CRPPA: variants seen among roughly 807,000 people sequenced by gnomAD.
CRPPA encodes CDP-L-ribitol pyrophosphorylase A.
Under a neutral mutation model 52.0 loss-of-function variants are expected in CRPPA, and 43 were observed. The observed-to-expected ratio is 0.83, with a 90% CI of 0.65 to 1.07. CRPPA has a LOEUF of 1.07. Among genes scored for constraint, CRPPA ranks in the 50% least tolerant of loss-of-function variants. CRPPA has a pLI of 0.00. For missense variants in CRPPA, 629 were observed against 551.7 expected, an observed-to-expected ratio of 1.14 and a Z score of -1.40; for synonymous variants, 250 against 203.5, an observed-to-expected ratio of 1.23 and a Z score of -1.94.
At chr7:16,113,412 T>G (rs1486734029) in intron 9 of CRPPA, among the ~76,000 whole-genome samples, 1 of 151,806 alleles carries the variant, frequency 6.6e-6, no homozygotes, top group East Asian at 1.9e-4. Flanking sequence ...AAAATAATAA[T>G]TTATGGTTGT....
At chr7:16,107,549 TAAG>T (rs1378592407) in intron 9 of CRPPA, among the ~76,000 whole-genome samples, 2 of 151,798 alleles carry the variant, frequency 1.3e-5, no homozygotes, top group African/African-American at 4.8e-5. Context: ...GAAGGAGAAA[TAAG>T]AAGTTTCTCA....
chr7:16,154,806 G>C (rs535480919), intron 9 of CRPPA, among the ~76,000 whole-genome samples: 49 of 149,992 alleles, frequency 3.3e-4, no homozygotes, highest in African/African-American at 1.1e-3. Flanking sequence ...ATTCAAGATG[G>C]GTCTTTTTTT....
At chr7:16,370,623 C>G (rs905108958) in intron 3 of CRPPA, among the ~76,000 whole-genome samples, 1 of 152,132 alleles carries the variant, frequency 6.6e-6, no homozygotes, top group Non-Finnish European at 1.5e-5. Flanking sequence ...CAACAGGCCT[C>G]GAGTCCCAGA....
intron 2 of CRPPA, among the ~76,000 whole-genome samples, chr7:16,398,312 G>T (rs1192379315): frequency 1.3e-5 from 2 of 151,500 alleles, no homozygotes; most frequent in Admixed American, 6.6e-5. Context: ...GGTAATTCAC[G>T]TGATAAACAC....
chr7:16,420,432 C>T (rs958952722), intron 1 of CRPPA, among the ~76,000 whole-genome samples: 1 of 152,114 alleles, frequency 6.6e-6, no homozygotes, highest in Non-Finnish European at 1.5e-5. Flanking sequence ...TCCCCTAGTC[C>T]TCCTTATCCC....
At chr7:16,311,788 GT>G (rs1785039902) in intron 3 of CRPPA, among the ~76,000 whole-genome samples, 1 of 152,072 alleles carries the variant, frequency 6.6e-6, no homozygotes, top group Non-Finnish European at 1.5e-5. Flanking sequence ...GTTAATGGTT[GT>G]GACAGGTTGA....
intron 3 of CRPPA, among the ~76,000 whole-genome samples, chr7:16,370,958 C>T (rs1223095200): frequency 1.3e-5 from 2 of 152,190 alleles, no homozygotes; most frequent in African/African-American, 4.8e-5. Flanking sequence ...TTCCTCCCTA[C>T]TTGGAACATC....
At chr7:16,342,117 T>C (rs1237683154) in intron 3 of CRPPA, among the ~76,000 whole-genome samples, 1 of 152,178 alleles carries the variant, frequency 6.6e-6, no homozygotes, top group Non-Finnish European at 1.5e-5. Context: ...ATGAGAACCA[T>C]AACATCTAGG....
chr7:16,367,874 T>C (rs1041882626), intron 3 of CRPPA, among the ~76,000 whole-genome samples: 4 of 152,182 alleles, frequency 2.6e-5, no homozygotes, highest in Non-Finnish European at 4.4e-5. Context: ...CACTTAAATA[T>C]TACATGTCTC....
At chr7:16,143,276 C>T (rs1201991284) in intron 9 of CRPPA, among the ~76,000 whole-genome samples, 1 of 152,100 alleles carries the variant, frequency 6.6e-6, no homozygotes, top group Non-Finnish European at 1.5e-5. Flanking sequence ...TGGAGATTTA[C>T]AAGGTGAACA....
Position 16,119,747 on chromosome 7 carries a change from G to C in CRPPA, c.1252-27948C>G, listed in dbSNP as rs1782445967. On this transcript the variant is annotated intron_variant, in intron 9 of 9. Transcript: ENST00000407010. ...AGTATTATAGAGTGTCACTACAAAA[G>C]TTATAAAAAGTTTAATTCACCAGAG... Among the ~76,000 whole-genome samples, 3 of 152,172 alleles carry C rather than the reference G, an allele frequency of 2.0e-5. 1 individual carries two copies. The highest frequency in any genetic ancestry group is 6.5e-5 in the Admixed American group (1 of 15,280).
intron 3 of CRPPA, among the ~76,000 whole-genome samples, chr7:16,363,532 C>G (rs1562654791): frequency 6.6e-6 from 1 of 151,944 alleles, no homozygotes; most frequent in Non-Finnish European, 1.5e-5. Context: ...TTTCAAAAAG[C>G]ACAATATCTA....
chr7:16,385,778 AC>A (rs140981203), intron 2 of CRPPA, among the ~76,000 whole-genome samples: 49 of 152,182 alleles, frequency 3.2e-4, no homozygotes, highest in Admixed American at 1.3e-3. Context: ...GAGTTCCCTG[AC>A]CCCCCCTCAC....
intron 9 of CRPPA, among the ~76,000 whole-genome samples, chr7:16,131,525 C>T (rs1782680967): frequency 6.6e-6 from 1 of 152,116 alleles, no homozygotes; most frequent in African/African-American, 2.4e-5. Context: ...CTTTGGAGTA[C>T]AAAGCTAGCA....
At chr7:16,147,934 T>A (rs963219517) in intron 9 of CRPPA, among the ~76,000 whole-genome samples, 6 of 152,166 alleles carry the variant, frequency 3.9e-5, no homozygotes, top group Admixed American at 1.3e-4. Flanking sequence ...TTACAACTTG[T>A]AATATTTCAG....
At chr7:16,297,542 C>T (rs73065167) in intron 5 of CRPPA, among the ~76,000 whole-genome samples, 33,711 of 152,036 alleles carry the variant, frequency 0.22, 4,092 homozygotes, top group Non-Finnish European at 0.29. Flanking sequence ...TTAGGGGATG[C>T]AACATAAAAA....
At chr7:16,352,020 C>T (rs968997287) in intron 3 of CRPPA, among the ~76,000 whole-genome samples, 5 of 152,046 alleles carry the variant, frequency 3.3e-5, no homozygotes, top group African/African-American at 1.2e-4. Flanking sequence ...ACCCAAATGC[C>T]CATCAATGAT....
At chr7:16,117,750 G>A (rs565971013) in intron 9 of CRPPA, among the ~76,000 whole-genome samples, 13 of 152,138 alleles carry the variant, frequency 8.5e-5, no homozygotes, top group Non-Finnish European at 1.3e-4. Flanking sequence ...CATCTTCCTT[G>A]TAAGAAAGGC....
At chr7:16,340,313 C>T (rs181979413) in intron 3 of CRPPA, among the ~76,000 whole-genome samples, 8 of 152,014 alleles carry the variant, frequency 5.3e-5, no homozygotes, top group South Asian at 2.1e-4. Context: ...AAAGATATGC[C>T]ACAGACTGGG....
Sources: gnomAD v4.1 joint callset for allele counts (sites outside exome capture counted in the v4.1 genomes callset) on GRCh38, gnomAD v4.1.1 for gene constraint, MANE v1.5 for transcripts, NCBI Gene and HGNC (gene_info 2026-07-23, HGNC 2026-07-21) for gene names.